Variants in BBS9 observed in about 807,000 individuals in gnomAD.
The protein encoded by BBS9 is protein PTHB1.
Under a neutral mutation model 117.7 loss-of-function variants are expected in BBS9, and 89 were observed. That is an observed-to-expected ratio of 0.76 (90% CI 0.64 to 0.90). BBS9 has a LOEUF of 0.90. Ranked by LOEUF, BBS9 falls within the 40% of genes least tolerant of loss-of-function variation. The pLI, the probability that BBS9 is intolerant of heterozygous loss-of-function variation, is 0.00. For missense variants in BBS9, 982 were observed against 1,042.2 expected, an observed-to-expected ratio of 0.94 and a Z score of 0.80; for synonymous variants, 379 against 370.9, an observed-to-expected ratio of 1.02 and a Z score of -0.25.
intron 2 of BBS9, among the ~76,000 whole-genome samples, chr7:33,146,637 T>C (rs2128096056): frequency 6.9e-6 from 1 of 144,490 alleles, no homozygotes; most frequent in Middle Eastern, 3.8e-3. Flanking sequence ...AGGCAGAGGT[T>C]GCGGTGAGCT....
intron 5 of BBS9, among the ~76,000 whole-genome samples, chr7:33,244,896 T>C (rs561128017): frequency 6.6e-6 from 1 of 152,324 alleles, no homozygotes; most frequent in African/African-American, 2.4e-5. Flanking sequence ...TTTGTTCAAT[T>C]TGTTGTTTTA....
At chr7:33,279,074 A>G (rs368985195) in intron 9 of BBS9, among the ~76,000 whole-genome samples, 12 of 152,292 alleles carry the variant, frequency 7.9e-5, no homozygotes, top group African/African-American at 1.9e-4. Flanking sequence ...GTCTTGCTCT[A>G]TTGCTCAGGC....
chr7:33,351,158 C>G (rs1206436417), intron 13 of BBS9, 61 bp from the exon 14 acceptor site: 6 of 1,117,152 alleles, frequency 5.4e-6, no homozygotes, highest in Non-Finnish European at 6.8e-6. Flanking sequence ...TAAATTTTAA[C>G]TGTTGTTAAT....
rs558243259 is a variant in BBS9, at chr7:33,220,035, C to T, written c.443-37201C>T. ...GAAGGAACAAACTCCGGACACGCCG[C>T]CTTTAAGAACTGTAACACTCACCGC... On this transcript the variant is annotated intron_variant, in intron 5 of 22. Coordinates refer to ENST00000242067, the MANE Select transcript of BBS9 (RefSeq NM_198428.3). Among the ~76,000 whole-genome samples the T allele has an allele frequency of 3.3e-5, 5 of 152,250 alleles. No individual in the cohort carries two copies. In the South Asian group the frequency reaches 1.0e-3, roughly 32 times the overall value.
intron 21 of BBS9, among the ~76,000 whole-genome samples, chr7:33,582,856 G>T (rs1021428598): frequency 6.6e-5 from 10 of 152,046 alleles, no homozygotes; most frequent in African/African-American, 2.4e-4. Context: ...TGACTGCCAT[G>T]GTGTTGCACG....
At chr7:33,551,697 G>C (rs1310188580) in intron 21 of BBS9, among the ~76,000 whole-genome samples, 2 of 152,038 alleles carry the variant, frequency 1.3e-5, no homozygotes, top group African/African-American at 4.8e-5. Context: ...TTCTGGCAGG[G>C]GACAGTCAAT....
At chr7:33,347,518 A>G (rs1016938273) in intron 12 of BBS9, among the ~76,000 whole-genome samples, 1 of 152,000 alleles carries the variant, frequency 6.6e-6, no homozygotes, top group African/African-American at 2.4e-5. Context: ...AGGATTTACA[A>G]AGTAAAAATT....
intron 5 of BBS9, among the ~76,000 whole-genome samples, chr7:33,235,754 G>A (rs1237284298): frequency 2.0e-5 from 3 of 152,138 alleles, no homozygotes; most frequent in Non-Finnish European, 4.4e-5. Context: ...TGAGGTAGTG[G>A]ATACATATAC....
chr7:33,467,682 G>A (rs948558530), intron 19 of BBS9, among the ~76,000 whole-genome samples: 6 of 151,994 alleles, frequency 3.9e-5, no homozygotes, highest in Non-Finnish European at 7.4e-5. Context: ...TCCTTAGGTG[G>A]TAGAAATTAA....
rs113602160 is a variant in BBS9 at position 33,539,796 on chromosome 7, A to G, written c.2521+5620A>G. ...TTGCGTGTGACAGGCACAGTTCTCC[A>G]GTAACACTTTAACTGCATTAAACTT... On this transcript the variant is annotated intron_variant, in intron 21 of 22. Coordinates refer to ENST00000242067, the MANE Select transcript of BBS9 (RefSeq NM_198428.3). Among the ~76,000 whole-genome samples, 1,484 of 152,324 alleles carry G rather than the reference A, an allele frequency of 9.7e-3. 22 individuals are homozygous for G. Among genetic ancestry groups the G allele is most frequent in the African/African-American group, 0.034 (1,405 of 41,560 alleles).
chr7:33,235,895 T>A (rs1793389479), intron 5 of BBS9, among the ~76,000 whole-genome samples: 1 of 152,224 alleles, frequency 6.6e-6, no homozygotes, highest in Non-Finnish European at 1.5e-5. Flanking sequence ...TTTCACTTTG[T>A]CTGACAAGAA....
chr7:33,289,084 T>C (rs1803479433), intron 9 of BBS9, among the ~76,000 whole-genome samples: 1 of 152,198 alleles, frequency 6.6e-6, no homozygotes, highest in Non-Finnish European at 1.5e-5. Context: ...TCTGATACAT[T>C]TCCCTTCTCT....
At chr7:33,515,395 G>A (rs1249265793) in intron 20 of BBS9, among the ~76,000 whole-genome samples, 6 of 152,054 alleles carry the variant, frequency 3.9e-5, no homozygotes, top group African/African-American at 1.2e-4. Context: ...TGTCCCTCCC[G>A]TGTACTATAA....
intron 21 of BBS9, among the ~76,000 whole-genome samples, chr7:33,547,134 A>G (rs568018967): frequency 6.6e-6 from 1 of 152,272 alleles, no homozygotes; most frequent in African/African-American, 2.4e-5. Context: ...CTACAGAGCT[A>G]TAGTTGGGGG....
intron 21 of BBS9, among the ~76,000 whole-genome samples, chr7:33,552,758 G>A (rs1013033017): frequency 6.6e-6 from 1 of 152,016 alleles, no homozygotes; most frequent in African/African-American, 2.4e-5. Flanking sequence ...GAAAATCAAA[G>A]CAAACTGCCC....
At chr7:33,194,057 AT>A (rs1190192459) in intron 5 of BBS9, among the ~76,000 whole-genome samples, 1 of 152,052 alleles carries the variant, frequency 6.6e-6, no homozygotes, top group African/African-American at 2.4e-5. Context: ...CTTGGCTGCT[AT>A]TTTTTATGGT....
intron 9 of BBS9, among the ~76,000 whole-genome samples, chr7:33,279,537 A>G (rs1326107596): frequency 6.6e-6 from 1 of 152,228 alleles, no homozygotes; most frequent in Non-Finnish European, 1.5e-5. Context: ...GTTTCTTTTC[A>G]GTGAATAAGA....
chr7:33,226,022 A>G (rs894266302), intron 5 of BBS9, among the ~76,000 whole-genome samples: 1 of 152,216 alleles, frequency 6.6e-6, no homozygotes, highest in Non-Finnish European at 1.5e-5. Context: ...TTGTCTTCCA[A>G]CATAGCCAAA....
At chr7:33,185,801 A>T (rs1798730397) in intron 5 of BBS9, among the ~76,000 whole-genome samples, 1 of 152,222 alleles carries the variant, frequency 6.6e-6, no homozygotes, top group Non-Finnish European at 1.5e-5. Flanking sequence ...AAAGCCCAAC[A>T]CAGTTTTAAG....
Sources: allele counts gnomAD v4.1 joint callset (sites outside exome capture counted in the v4.1 genomes callset), GRCh38; gene constraint gnomAD v4.1.1; transcripts MANE v1.5; gene names NCBI Gene and HGNC (gene_info 2026-07-23, HGNC 2026-07-21).